CFTR: variants seen among roughly 807,000 people sequenced by gnomAD.
CFTR encodes the protein cystic fibrosis transmembrane conductance regulator.
A neutral mutation model predicts 171.6 loss-of-function variants in CFTR; 181 were observed. The ratio of observed to expected loss-of-function variants is 1.05; its 90% CI spans 0.93 to 1.19. The LOEUF is 1.19. CFTR is among the 50% of genes most tolerant of loss of function. The pLI is 0.00. For missense variants in CFTR, 1,968 were observed against 1,734.7 expected, an observed-to-expected ratio of 1.13 and a Z score of -2.39; for synonymous variants, 583 against 608.0, an observed-to-expected ratio of 0.96 and a Z score of 0.60.
intron 4 of CFTR, among the ~76,000 whole-genome samples, chr7:117,532,089 A>C (rs529110953): frequency 5.3e-5 from 8 of 151,904 alleles, no homozygotes; most frequent in East Asian, 1.9e-4. Context: ...AAAAAAAAAA[A>C]CAAAAAAAAC....
At chr7:117,657,618 TGGACA>T (rs1793203694) in intron 24 of CFTR, among the ~76,000 whole-genome samples, 1 of 152,182 alleles carries the variant, frequency 6.6e-6, no homozygotes, top group African/African-American at 2.4e-5. Flanking sequence ...AACACTAAAC[TGGACA>T]GGACATTATG....
chr7:117,555,055 T>C lies in CFTR; in HGVS notation c.1393-4409T>C, dbSNP rs1799330088. ...CACTTATTTGTGAATTTTTTTTCAG[T>C]TAATACATTGGAAAATTTTTGGGGT... On this transcript the variant is annotated intron_variant, in intron 10 of 26. Coordinates refer to ENST00000003084, the MANE Select transcript of CFTR (RefSeq NM_000492.4). 2.0e-5 allele frequency among the ~76,000 whole-genome samples: 3 copies of C among 152,138 alleles called. No individual in the cohort carries two copies. In the South Asian group the frequency reaches 6.2e-4, roughly 32 times the overall value.
intron 24 of CFTR, among the ~76,000 whole-genome samples, chr7:117,654,331 G>T (rs1160499282): frequency 6.6e-6 from 1 of 152,206 alleles, no homozygotes; most frequent in Admixed American, 6.5e-5. Context: ...TCTAGGTGGA[G>T]GCAGCCATCC....
At chr7:117,648,065 A>T (rs1227015731) in intron 23 of CFTR, among the ~76,000 whole-genome samples, 1 of 139,228 alleles carries the variant, frequency 7.2e-6, no homozygotes, top group Non-Finnish European at 1.5e-5. Flanking sequence ...ATATATGTAT[A>T]TATGTATATA....
At chr7:117,591,363 C>A (rs1331667322) in intron 13 of CFTR, among the ~76,000 whole-genome samples, 1 of 151,994 alleles carries the variant, frequency 6.6e-6, no homozygotes, top group Non-Finnish European at 1.5e-5. Flanking sequence ...TCAGGATTTA[C>A]TTCTAGAATA....
At chr7:117,525,907 G>T (rs1459922542) in intron 3 of CFTR, among the ~76,000 whole-genome samples, 6 of 149,586 alleles carry the variant, frequency 4.0e-5, no homozygotes, top group African/African-American at 7.4e-5. Context: ...TGTTATGTGT[G>T]AATTTGATCC....
Position 117,504,363 on chromosome 7 carries a change from G to A in CFTR, c.164G>A (p.Arg55Lys). ...SADNLSEKLE[R>K]EWDRELASKK... is the part of the protein sequence containing the mutation. ...GACAATCTATCTGAAAAATTGGAAA[G>A]GTATGTTCATGTACATTGTTTAGTT... Residue 55 changes from arginine to lysine, a missense_variant and splice_region_variant, in exon 2 of 27, where the codon AGA becomes AAA. By Grantham distance (26) the Arg-to-Lys change is conservative. Coordinates refer to ENST00000003084, the MANE Select transcript of CFTR (RefSeq NM_000492.4). 1 of 1,468,218 alleles carries A rather than the reference G, an allele frequency of 6.8e-7. No homozygotes were observed. The highest frequency in any genetic ancestry group is 9.6e-7 in the Non-Finnish European group (1 of 1,046,980). The allele number at this position is 1,468,218 out of a possible 1,614,324, so 90.9% of individuals were successfully genotyped here.
At chr7:117,636,581 GT>G (rs542228646) in intron 22 of CFTR, among the ~76,000 whole-genome samples, 6 of 148,706 alleles carry the variant, frequency 4.0e-5, no homozygotes, top group East Asian at 2.0e-4. Flanking sequence ...GTTTTTTTCA[GT>G]TTTTTTTTCC....
intron 1 of CFTR, among the ~76,000 whole-genome samples, chr7:117,503,624 G>A (rs1178445070): frequency 6.6e-6 from 1 of 151,980 alleles, no homozygotes; most frequent in Admixed American, 6.6e-5. Flanking sequence ...ATGCCTAGAG[G>A]GCAGATGAGT....
At chr7:117,634,485 T>C (rs1266753529) in intron 22 of CFTR, among the ~76,000 whole-genome samples, 4 of 152,086 alleles carry the variant, frequency 2.6e-5, no homozygotes, top group African/African-American at 9.6e-5. Context: ...ATTTCATGAT[T>C]TTTAAATTAT....
intron 22 of CFTR, among the ~76,000 whole-genome samples, chr7:117,639,731 C>A (rs771637742): frequency 6.6e-6 from 1 of 152,154 alleles, no homozygotes; most frequent in Non-Finnish European, 1.5e-5. Context: ...CATTTTCTAT[C>A]TTGATAAACA....
chr7:117,507,680 T>C (rs147143785), intron 2 of CFTR, among the ~76,000 whole-genome samples: 1 of 152,346 alleles, frequency 6.6e-6, no homozygotes, highest in African/African-American at 2.4e-5. Flanking sequence ...TTAGGCTTTA[T>C]AGAAGGGCTC....
At chr7:117,523,097 T>C (rs1798709435) in intron 3 of CFTR, among the ~76,000 whole-genome samples, 1 of 152,208 alleles carries the variant, frequency 6.6e-6, no homozygotes, top group African/African-American at 2.4e-5. Flanking sequence ...ATGCTACCAG[T>C]TCTTTGTGAA....
chr7:117,517,580 G>T (rs1319033379), intron 3 of CFTR, among the ~76,000 whole-genome samples: 1 of 152,174 alleles, frequency 6.6e-6, no homozygotes. Context: ...CCAGTAATGG[G>T]ATTGCTGGGT....
intron 19 of CFTR, 148 bp downstream of exon 19, chr7:117,610,817 A>G (rs1792374636): frequency 2.7e-6 from 2 of 752,176 alleles, no homozygotes; most frequent in African/African-American, 1.8e-5. Context: ...ATGTGTATAT[A>G]AAAGGAAACT....
At chr7:117,651,774 T>TG (rs1192777847) in intron 23 of CFTR, among the ~76,000 whole-genome samples, 85 of 152,136 alleles carry the variant, frequency 5.6e-4, no homozygotes, top group Admixed American at 5.6e-3. Flanking sequence ...TTGGCTGCCT[T>TG]GCTGAGGATA....
At chr7:117,611,222 C>T (rs1385365528) in intron 19 of CFTR, among the ~76,000 whole-genome samples, 3 of 152,060 alleles carry the variant, frequency 2.0e-5, no homozygotes, top group Non-Finnish European at 2.9e-5. Context: ...AATCAAGTCA[C>T]ATAAACTTCC....
At chr7:117,610,398 A>T in intron 18 of CFTR, 121 bp from the exon 19 acceptor site, 1 of 830,206 alleles carries the variant, frequency 1.2e-6, no homozygotes, top group South Asian at 1.6e-5. Flanking sequence ...AAAAAAATAA[A>T]AAAAAGTTTG....
chr7:117,667,077 CAGA>C lies in CFTR; in HGVS notation c.4419_4421del (p.Glu1474del). ...CAGATTGCTGCTCTGAAAGAGGAGA[CAGA>C]AGAAGAGGTGCAAGATACAAGGCTT... On this transcript the variant is annotated inframe_deletion, in exon 27 of 27. Coordinates refer to ENST00000003084, the MANE Select transcript of CFTR (RefSeq NM_000492.4). 1.2e-6 allele frequency: 2 copies of C among 1,613,912 alleles called. No homozygotes were observed. The highest frequency in any genetic ancestry group is 1.7e-6 in the Non-Finnish European group (2 of 1,179,926).
Sources: allele counts gnomAD v4.1 joint callset (sites outside exome capture counted in the v4.1 genomes callset), GRCh38; gene constraint gnomAD v4.1.1; transcripts MANE v1.5; gene names NCBI Gene and HGNC (gene_info 2026-07-23, HGNC 2026-07-21).